SUV39H2: variants seen among roughly 807,000 people sequenced by gnomAD.
SUV39H2 encodes SUV39H2 histone lysine methyltransferase.
Under a neutral mutation model 47.5 loss-of-function variants are expected in SUV39H2, and 10 were observed. The observed-to-expected ratio is 0.21, with a 90% CI of 0.13 to 0.36. The LOEUF (loss-of-function observed/expected upper bound fraction) is 0.36. SUV39H2 is among the 10% of genes least tolerant of loss of function. The pLI, the probability that SUV39H2 is intolerant of heterozygous loss-of-function variation, is 1.00. For missense variants in SUV39H2, 266 were observed against 487.4 expected (o/e 0.55, Z 4.28); for synonymous variants, 159 against 166.8 (o/e 0.95, Z 0.36).
Position 14,879,187 on chromosome 10 carries a change from G to T in SUV39H2, c.31+268G>T, listed in dbSNP as rs1832964963. 9.9e-6 allele frequency: 11 copies of T among 1,113,786 alleles called. No homozygotes were observed. In the South Asian group the frequency reaches 3.6e-4, roughly 36 times the overall value. 69.0% of individuals were successfully genotyped at this position (1,113,786 alleles called of 1,614,324 possible). On this transcript the variant is annotated intron_variant, in intron 1 of 5. Transcript: ENST00000354919. ...TGGAGCGTGGCCTCTCCGCCCGCTC[G>T]GCCCGGCCCCCTCCGCGTCTCCCGT...
In SUV39H2 at chr10:14,899,318, TA is replaced by T. The variant is rs373363202; in HGVS notation, c.850-211del. The T allele has an allele frequency of 6.8e-3, 4,065 of 594,306 alleles. 25 individuals are homozygous for T. The highest frequency in any genetic ancestry group is 0.028 in the African/African-American group (1,495 of 52,642). 36.8% of individuals were successfully genotyped at this position (594,306 alleles called of 1,614,324 possible). A position where few individuals can be genotyped will look rare whatever the true frequency, so the allele number is the denominator to read the frequency against. On this transcript the variant is annotated intron_variant, in intron 3 of 5. Transcript: ENST00000354919. ...CTGAGTGACAGAGTGAGACCCTGTT[TA>T]AAAAAAAAAGGTCATCAGTCTTTTG...
In SUV39H2 at chr10:14,881,656, T is replaced by C; in HGVS notation, c.177+11T>C. On this transcript the variant is annotated intron_variant, in intron 2 of 5. Transcript: ENST00000354919. ...TACAAGGTAGTAAAGGTAAGGCAAA[T>C]ATCTAGCCCCTTACAAGAGACCTAA... is the stretch of plus-strand genomic sequence containing the variant. 4 of 1,531,842 alleles carry C rather than the reference T, an allele frequency of 2.6e-6. No homozygotes were observed. Among genetic ancestry groups the C allele is most frequent in the Non-Finnish European group, 3.5e-6 (4 of 1,143,670 alleles). The allele number at this position is 1,531,842 out of a possible 1,614,324, so 94.9% of individuals were successfully genotyped here. A position where few individuals can be genotyped will look rare whatever the true frequency, so the allele number is the denominator to read the frequency against.
intron 5 of SUV39H2, among the ~76,000 whole-genome samples, chr10:14,901,637 C>A (rs1834025210): frequency 6.6e-6 from 1 of 151,574 alleles, no homozygotes; most frequent in Non-Finnish European, 1.5e-5. Context: ...TCAAGACCAG[C>A]CTGGGCAACA....
At chr10:14,879,172 C>A (rs560933536) in intron 1 of SUV39H2, 4 of 1,162,640 alleles carry the variant, frequency 3.4e-6, no homozygotes, top group Non-Finnish European at 4.3e-6. Flanking sequence ...TGGAGCGTGG[C>A]CTCTCCGCCC....
intron 2 of SUV39H2, among the ~76,000 whole-genome samples, chr10:14,895,989 G>A (rs978261189): frequency 4.0e-5 from 6 of 149,334 alleles, no homozygotes; most frequent in Non-Finnish European, 5.9e-5. Context: ...TGTCGCCCAC[G>A]CTGGAGTGCA....
At chr10:14,891,869 G>A (rs964439080) in intron 2 of SUV39H2, among the ~76,000 whole-genome samples, 1 of 152,220 alleles carries the variant, frequency 6.6e-6, no homozygotes, top group African/African-American at 2.4e-5. Flanking sequence ...ATAATTATTA[G>A]TTAAAACTCT....
chr10:14,891,906 C>A (rs149949909), intron 2 of SUV39H2, among the ~76,000 whole-genome samples: 1 of 152,090 alleles, frequency 6.6e-6, no homozygotes, highest in Non-Finnish European at 1.5e-5. Context: ...CCAAAGAGAT[C>A]GTTTGTAGTA....
rs745546710 is a variant in SUV39H2 at position 14,899,685 on chromosome 10, C to T, written c.996C>T (p.Ser332=). The T allele has an allele frequency of 5.6e-6, 9 of 1,612,750 alleles. No homozygotes were observed. In the South Asian group the frequency reaches 6.6e-5, roughly 12 times the overall value. Residue 332 remains serine (S), a splice_region_variant and synonymous_variant, in exon 4 of 6, where the codon AGC becomes AGT. Coordinates refer to ENST00000354919, the MANE Select transcript of SUV39H2 (RefSeq NM_001193424.2). ...YGNVSHFVNH[S]CDPNLQVFNV... is the part of the protein sequence containing the mutation. Reference sequence around the variant, plus strand: ...ATGTGTCTCATTTTGTGAATCACAGCGTAAGAAGACATACGTAAATTTTAG... The same window carrying T: ...ATGTGTCTCATTTTGTGAATCACAGTGTAAGAAGACATACGTAAATTTTAG...
chr10:14,886,640 G>C (rs1833218564), intron 2 of SUV39H2, among the ~76,000 whole-genome samples: 1 of 152,154 alleles, frequency 6.6e-6, no homozygotes, highest in Non-Finnish European at 1.5e-5. Flanking sequence ...CGTATCTCCT[G>C]TTTCTTTTTC....
Position 14,896,850 on chromosome 10 carries a change from T to A in SUV39H2, c.182T>A (p.Met61Lys). The change falls in exon 3 of 6, where the codon ATG (methionine) becomes AAG (lysine). Residue 61 changes from methionine (M) to lysine (K), a missense_variant. This residue lies in a region of SUV39H2 where 32 missense variants were observed against 77.2 expected (regional missense o/e 0.41). Coordinates refer to ENST00000354919, the MANE Select transcript of SUV39H2 (RefSeq NM_001193424.2). ...YLCDYKVVKD[M>K]EYYLVKWKGW... ...TATTTTCTTTTGTATTTTAAGGATA[T>A]GGAATATTATCTTGTAAAATGGAAA... 1 of 1,560,070 alleles carries A rather than the reference T, an allele frequency of 6.4e-7. No homozygotes were observed. Among genetic ancestry groups the A allele is most frequent in the Non-Finnish European group, 8.7e-7 (1 of 1,153,588 alleles).
chr10:14,893,313 T>C (rs1025797085), intron 2 of SUV39H2, among the ~76,000 whole-genome samples: 6 of 152,274 alleles, frequency 3.9e-5, no homozygotes, highest in Non-Finnish European at 7.4e-5. Context: ...TTTGTATTTT[T>C]AGTACAGATG....
intron 1 of SUV39H2, among the ~76,000 whole-genome samples, chr10:14,879,639 G>T (rs1023054861): frequency 1.9e-4 from 29 of 152,216 alleles, no homozygotes; most frequent in Admixed American, 1.7e-3. Flanking sequence ...GCGTCGGGGG[G>T]TGTTGGTGTC....
At chr10:14,899,955 G>A (rs1833882647) in intron 4 of SUV39H2, among the ~76,000 whole-genome samples, 2 of 152,024 alleles carry the variant, frequency 1.3e-5, no homozygotes, top group South Asian at 2.1e-4. Flanking sequence ...AACTTTGTAC[G>A]GTAGGTATTA....
At chr10:14,900,511 A>AT (rs1174760707) in intron 4 of SUV39H2, among the ~76,000 whole-genome samples, 1 of 152,086 alleles carries the variant, frequency 6.6e-6, no homozygotes, top group African/African-American at 2.4e-5. Flanking sequence ...ACATTGAAGA[A>AT]TTTTTTTCTT....
intron 2 of SUV39H2, among the ~76,000 whole-genome samples, chr10:14,889,989 A>G (rs1047315936): frequency 1.3e-5 from 2 of 152,250 alleles, no homozygotes; most frequent in African/African-American, 4.8e-5. Flanking sequence ...CACATAGCTT[A>G]GTAAGCTGAG....
At position 14,878,902 on chromosome 10, in the gene SUV39H2, G is replaced by A. The variant is rs1240119846; in HGVS notation, c.14G>A (p.Gly5Glu). Residue 5 changes from glycine to glutamate, a missense_variant, in exon 1 of 6, where the codon GGG becomes GAG. By Grantham distance (98) the Gly-to-Glu change is moderately conservative. Coordinates refer to ENST00000354919, the MANE Select transcript of SUV39H2 (RefSeq NM_001193424.2). ...AAGCTCTACAAGATGGCGGCGGTCG[G>A]GGCCGAGGCGCGAGGAGGTGAGGCT... MAAV[G>E]AEARGAWCVP... is the part of the protein sequence containing the mutation. 6.7e-7 allele frequency: 1 copy of A among 1,483,350 alleles called. No individual in the cohort carries two copies. The highest frequency in any genetic ancestry group is 9.0e-7 in the Non-Finnish European group (1 of 1,115,206). The allele number at this position is 1,483,350 out of a possible 1,614,324, so 91.9% of individuals were successfully genotyped here.
intron 2 of SUV39H2, among the ~76,000 whole-genome samples, chr10:14,886,857 A>C (rs1201244303): frequency 3.3e-5 from 5 of 152,248 alleles, no homozygotes; most frequent in Admixed American, 6.5e-5. Context: ...TGGGAGGTGC[A>C]CCTTGGATAG....
intron 1 of SUV39H2, chr10:14,879,127 G>A: frequency 7.9e-7 from 1 of 1,264,538 alleles, no homozygotes; most frequent in Non-Finnish European, 9.9e-7. Context: ...CCGCCGCGGA[G>A]GTGGGCACTG....
Position 14,902,688 on chromosome 10 carries a change from T to G in SUV39H2, c.*176T>G. On this transcript the variant is annotated 3_prime_UTR_variant, in exon 6 of 6. Transcript: ENST00000354919. ...TGCCTCTGAAAAGGGGGTCACTGGG[T>G]CTCATAGACTGATATGAAGTCGACA... 2.1e-6 allele frequency: 1 copy of G among 483,468 alleles called. No individual in the cohort carries two copies. Among genetic ancestry groups the G allele is most frequent in the Non-Finnish European group, 3.7e-6 (1 of 268,092 alleles). 29.9% of individuals were successfully genotyped at this position (483,468 alleles called of 1,614,324 possible). A position where few individuals can be genotyped will look rare whatever the true frequency, so the allele number is the denominator to read the frequency against.
Sources: allele counts gnomAD v4.1 joint callset (sites outside exome capture counted in the v4.1 genomes callset), GRCh38; gene constraint gnomAD v4.1.1; regional missense constraint gnomAD v4.1.1; transcripts MANE v1.5; gene names NCBI Gene and HGNC (gene_info 2026-07-23, HGNC 2026-07-21).